Variants in ZFHX2 observed in about 807,000 individuals in gnomAD.
ZFHX2 encodes zinc finger homeobox protein 2.
A neutral mutation model predicts 164.8 loss-of-function variants in ZFHX2; 75 were observed. The ratio of observed to expected loss-of-function variants is 0.46; its 90% CI spans 0.38 to 0.55. The LOEUF (loss-of-function observed/expected upper bound fraction) is 0.55. ZFHX2 is among the 20% of genes least tolerant of loss of function. ZFHX2 has a pLI of 0.00. For missense variants in ZFHX2, 2,933 were observed against 3,308.0 expected (o/e 0.89, Z 2.78); for synonymous variants, 1,217 against 1,351.4 (o/e 0.90, Z 2.18).
chr14:23,522,051 C>A lies in ZFHX2; in HGVS notation c.7630G>T (p.Ala2544Ser). Residue 2544 changes from alanine to serine, a missense_variant, in exon 10 of 10, where the codon GCT becomes TCT. Transcript: ENST00000419474. ...ITNAATAASA[A>S]VAFAKEEARL... is the part of the protein sequence containing the mutation. ...GCTTCCTCTTTGGCAAAAGCCACAG[C>A]AGCCGAGGCAGCAGTGGCGGCGTTG... The A allele has an allele frequency of 1.3e-6, 2 of 1,536,438 alleles. No individual in the cohort carries two copies. Among genetic ancestry groups the A allele is most frequent in the Non-Finnish European group, 1.7e-6 (2 of 1,146,902 alleles).
In ZFHX2 at chr14:23,521,668, G is replaced by A. The variant is rs937202307; in HGVS notation, c.*294C>T. The A allele has an allele frequency of 7.5e-6, 3 of 398,968 alleles. No individual in the cohort carries two copies. The highest frequency in any genetic ancestry group is 9.0e-6 in the Non-Finnish European group (2 of 222,122). 24.7% of individuals were successfully genotyped at this position (398,968 alleles called of 1,614,324 possible). A position where few individuals can be genotyped will look rare whatever the true frequency, so the allele number is the denominator to read the frequency against. On this transcript the variant is annotated 3_prime_UTR_variant, in exon 10 of 10. Coordinates refer to ENST00000419474, the MANE Select transcript of ZFHX2 (RefSeq NM_033400.3). The stretch of plus-strand genomic sequence containing the variant: ...TATTTTGTGTGTGGTAGGCAGACAT[G>A]TATGAATAATCAGGGTGCCAAGATG...
In ZFHX2 at chr14:23,523,102, C is replaced by T; in HGVS notation, c.6739+101G>A. 7.1e-7 allele frequency: 1 copy of T among 1,405,120 alleles called. No homozygotes were observed. Among genetic ancestry groups the T allele is most frequent in the Non-Finnish European group, 9.2e-7 (1 of 1,084,970 alleles). The allele number at this position is 1,405,120 out of a possible 1,614,324, so 87.0% of individuals were successfully genotyped here. On this transcript the variant is annotated intron_variant, in intron 9 of 9. Transcript: ENST00000419474. The surrounding 1 kb of genome is among the most constrained non-coding windows in gnomAD (Gnocchi z 4.1). ...AAGAGCCTGATGCAAAGGAAGGCCA[C>T]AGGAGATTGGGCATGGGAAGAATCA... is the stretch of plus-strand genomic sequence containing the variant.
chr14:23,536,984 A>G (rs1281581738), intron 1 of ZFHX2, among the ~76,000 whole-genome samples: 1 of 152,140 alleles, frequency 6.6e-6, no homozygotes, highest in South Asian at 2.1e-4. Context: ...CTAAAAATAC[A>G]AAGAAATTAG....
At chr14:23,528,697 T>C (rs1879110221) in intron 6 of ZFHX2, 1 of 985,238 alleles carries the variant, frequency 1.0e-6, no homozygotes, top group African/African-American at 1.7e-5. Context: ...CCATCTTTCT[T>C]TTTCCTTCTT....
chr14:23,527,873 T>C, intron 6 of ZFHX2, 69 bp from the exon 7 acceptor site: 1 of 1,410,938 alleles, frequency 7.1e-7, no homozygotes, highest in Admixed American at 2.0e-5. Flanking sequence ...CATAGTCCTT[T>C]GGATGCAGCA....
Position 23,524,675 on chromosome 14 carries a change from T to A in ZFHX2, c.5267A>T (p.Glu1756Val). 1 of 1,536,324 alleles carries A rather than the reference T, an allele frequency of 6.5e-7. No homozygotes were observed. Among genetic ancestry groups the A allele is most frequent in the Non-Finnish European group, 8.7e-7 (1 of 1,146,924 alleles). ...QAEATKAGGK[E>V]PEEKATPSPS... is the part of the protein sequence containing the mutation. ...TGATGGAGTAGCCTTCTCTTCAGGC[T>A]CTTTGCCTCCTGCCTTTGTTGCCTC... Residue 1756 changes from glutamate (E) to valine (V), a missense_variant, in exon 9 of 10, where the codon GAG becomes GTG. Coordinates refer to ENST00000419474, the MANE Select transcript of ZFHX2 (RefSeq NM_033400.3). This position sits in a 1 kb window ranked among gnomAD's most constrained non-coding sequence, Gnocchi z 5.6.
chr14:23,536,489 T>C (rs1880155172), intron 1 of ZFHX2, among the ~76,000 whole-genome samples: 1 of 152,190 alleles, frequency 6.6e-6, no homozygotes, highest in African/African-American at 2.4e-5. Context: ...AGTTGAAAGA[T>C]AACAGCTAGT....
Position 23,535,282 on chromosome 14 carries a change from G to C in ZFHX2, c.44C>G (p.Ser15Cys), listed in dbSNP as rs560093387. Residue 15 changes from serine to cysteine, a missense_variant, in exon 2 of 10, where the codon TCC (serine) becomes TGC (cysteine). By Grantham distance (112) the Ser-to-Cys change is moderately radical (BLOSUM62 -1). Coordinates refer to ENST00000419474, the MANE Select transcript of ZFHX2 (RefSeq NM_033400.3). The surrounding 1 kb of genome is among the most constrained non-coding windows in gnomAD (Gnocchi z 4.5). ...CAGGGACGGGGCATTGTGCCCAGGG[G>C]AGGGGGTGGTACCAGTGGTAGAGGC... ...NSASTTGTTP[S>C]PGHNAPSLPS... is the part of the protein sequence containing the mutation. The C allele has an allele frequency of 1.3e-6, 2 of 1,486,696 alleles. No individual in the cohort carries two copies. The highest frequency in any genetic ancestry group is 2.8e-5 in the African/African-American group (2 of 72,214). The allele number at this position is 1,486,696 out of a possible 1,614,324, so 92.1% of individuals were successfully genotyped here.
At position 23,526,256 on chromosome 14, in the gene ZFHX2, G is replaced by C. The variant is rs1319968254; in HGVS notation, c.3686C>G (p.Pro1229Arg). Residue 1229 changes from proline to arginine, a missense_variant, in exon 9 of 10, where the codon CCT becomes CGT. Transcript: ENST00000419474. ...TGGGGCACCGGCCTCTCCCCGTGCA[G>C]GGGCAGAGGGGTCAATGGCAGCCTT... ...MKKAAIDPSAPARGEAGAPPT... is the reference protein window; with the variant it reads ...MKKAAIDPSARARGEAGAPPT... 1 of 1,536,254 alleles carries C rather than the reference G, an allele frequency of 6.5e-7. No individual in the cohort carries two copies. The highest frequency in any genetic ancestry group is 2.4e-5 in the East Asian group (1 of 40,910).
chr14:23,544,469 CCTGG>C (rs1368522921), intron 1 of ZFHX2, among the ~76,000 whole-genome samples: 5 of 152,174 alleles, frequency 3.3e-5, no homozygotes, highest in African/African-American at 1.2e-4. Context: ...CAGCTGGTAA[CCTGG>C]CTGTAGCCCT....
rs1377138705 is a variant in ZFHX2 at position 23,548,335 on chromosome 14, T to G, written c.-50+3008A>C. The stretch of plus-strand genomic sequence containing the variant: ...ATTTGTGACAACTGTTGTTCTGAGC[T>G]GGGAAGAGCTCCAGGGAGGCAAGGT... On this transcript the variant is annotated intron_variant, in intron 1 of 9. Transcript: ENST00000419474. 2.6e-5 allele frequency: 4 copies of G among 152,170 alleles called. No homozygotes were observed. The East Asian group carries it at 7.7e-4, about 29-fold the overall frequency. 9.4% of individuals were successfully genotyped at this position (152,170 alleles called of 1,614,324 possible). A position where few individuals can be genotyped will look rare whatever the true frequency, so the allele number is the denominator to read the frequency against.
Position 23,523,390 on chromosome 14 carries a change from A to G in ZFHX2, c.6552T>C (p.Ser2184=). 1 of 1,502,360 alleles carries G rather than the reference A, an allele frequency of 6.7e-7. No homozygotes were observed. The highest frequency in any genetic ancestry group is 1.3e-5 in the South Asian group (1 of 77,918). The allele number at this position is 1,502,360 out of a possible 1,614,324, so 93.1% of individuals were successfully genotyped here. ...LKEAVRAQLK[S]ESKCYDLAPA... ...GGGCCAAGTCGTAGCACTTGCTTTC[A>G]CTCTTCAGCTGGGCTCGAACCGCCT... Residue 2184 remains serine (S), a synonymous_variant, in exon 9 of 10, where the codon AGT becomes AGC. Coordinates refer to ENST00000419474, the MANE Select transcript of ZFHX2 (RefSeq NM_033400.3). The surrounding 1 kb of genome is among the most constrained non-coding windows in gnomAD (Gnocchi z 4.1).
Position 23,523,019 on chromosome 14 carries a change from C to A in ZFHX2, c.6740-78G>T. 3 of 1,419,708 alleles carry A rather than the reference C, an allele frequency of 2.1e-6. No individual in the cohort carries two copies. The highest frequency in any genetic ancestry group is 2.7e-6 in the Non-Finnish European group (3 of 1,091,340). 87.9% of individuals were successfully genotyped at this position (1,419,708 alleles called of 1,614,324 possible). The stretch of plus-strand genomic sequence containing the variant: ...CTTCCTGCCATAGGCCACCTCCAGC[C>A]ACACACACCCGTTCCCAGCACCGGA... On this transcript the variant is annotated intron_variant, in intron 9 of 9. Coordinates refer to ENST00000419474, the MANE Select transcript of ZFHX2 (RefSeq NM_033400.3). This position sits in a 1 kb window ranked among gnomAD's most constrained non-coding sequence, Gnocchi z 4.1.
Position 23,524,030 on chromosome 14 carries a change from G to A in ZFHX2, c.5912C>T (p.Ala1971Val). Residue 1971 changes from alanine to valine, a missense_variant, in exon 9 of 10, where the codon GCC becomes GTC. Transcript: ENST00000419474. This position sits in a 1 kb window ranked among gnomAD's most constrained non-coding sequence, Gnocchi z 5.6. ...REAPAFPYPT[A>V]TLASGPQPFL... ...AGGCTGGGGCCCAGAAGCAAGCGTG[G>A]CAGTGGGGTAGGGAAAAGCAGGTGC... The A allele has an allele frequency of 6.6e-7, 1 of 1,514,772 alleles. No homozygotes were observed. The highest frequency in any genetic ancestry group is 8.8e-7 in the Non-Finnish European group (1 of 1,135,412). The allele number at this position is 1,514,772 out of a possible 1,614,324, so 93.8% of individuals were successfully genotyped here. A position where few individuals can be genotyped will look rare whatever the true frequency, so the allele number is the denominator to read the frequency against.
chr14:23,542,579 G>A (rs1017442817), intron 1 of ZFHX2, among the ~76,000 whole-genome samples: 2 of 152,084 alleles, frequency 1.3e-5, no homozygotes, highest in African/African-American at 2.4e-5. Flanking sequence ...TGGTTCTCTC[G>A]TTCTACATAC....
chr14:23,530,282 A>T (rs1236940638), intron 4 of ZFHX2, 88 bp from the exon 5 acceptor site: 2 of 1,039,816 alleles, frequency 1.9e-6, no homozygotes, highest in Non-Finnish European at 2.9e-6. Context: ...ACAAGCAGCC[A>T]GTCAATGAAG....
At chr14:23,549,006 A>G (rs1881681733) in intron 1 of ZFHX2, among the ~76,000 whole-genome samples, 1 of 151,814 alleles carries the variant, frequency 6.6e-6, no homozygotes, top group Non-Finnish European at 1.5e-5. Flanking sequence ...TTTGCCATCC[A>G]TTTACCTTCT....
At position 23,546,134 on chromosome 14, in the gene ZFHX2, C is replaced by T. The variant is rs367869820; in HGVS notation, c.-50+5209G>A. ...CACTGACTTTGCACATCAACGTGCT[C>T]CACAGGACCAGACTCTCCATGCATA... On this transcript the variant is annotated intron_variant, in intron 1 of 9. Transcript: ENST00000419474. This position sits in a 1 kb window ranked among gnomAD's most constrained non-coding sequence, Gnocchi z 4.7. Among the ~76,000 whole-genome samples the T allele has an allele frequency of 6.6e-6, 1 of 152,324 alleles. No individual in the cohort carries two copies. The highest frequency in any genetic ancestry group is 2.4e-5 in the African/African-American group (1 of 41,576).
intron 4 of ZFHX2, chr14:23,530,493 C>T: frequency 1.7e-6 from 1 of 588,508 alleles, no homozygotes; most frequent in Non-Finnish European, 3.2e-6. Context: ...AGCTCCCTGT[C>T]TTAAATGACC....
Sources: gnomAD v4.1 joint callset for allele counts (sites outside exome capture counted in the v4.1 genomes callset) on GRCh38, gnomAD v4.1.1 for gene constraint, Gnocchi (gnomAD v3.1) non-coding constraint, MANE v1.5 for transcripts, NCBI Gene and HGNC (gene_info 2026-07-23, HGNC 2026-07-21) for gene names.